Variants in NBEAL1 observed in about 807,000 individuals in gnomAD.
NBEAL1 encodes the protein neurobeachin like 1.
NBEAL1 carries 273 observed loss-of-function variants against 351.3 expected under a neutral mutation model. That is an observed-to-expected ratio of 0.78 (90% CI 0.70 to 0.86). The LOEUF (loss-of-function observed/expected upper bound fraction) is 0.86, where lower values mean the gene tolerates loss of function less well. NBEAL1 is among the 40% of genes least tolerant of loss of function. The pLI, the probability that NBEAL1 is intolerant of heterozygous loss-of-function variation, is 0.00. For missense variants in NBEAL1, 2,961 were observed against 3,201.3 expected, an observed-to-expected ratio of 0.92 and a Z score of 1.81; for synonymous variants, 1,050 against 1,086.4, an observed-to-expected ratio of 0.97 and a Z score of 0.66.
intron 7 of NBEAL1, among the ~76,000 whole-genome samples, chr2:203,072,945 ATTAAATGAGT>A (rs1302857427): frequency 6.6e-6 from 1 of 152,216 alleles, no homozygotes; most frequent in Non-Finnish European, 1.5e-5. Context: ...TACTGGTCAT[ATTAAATGAGT>A]TAGGCAGGGT....
chr2:203,148,226 T>C (rs1324406630), intron 33 of NBEAL1, among the ~76,000 whole-genome samples: 1 of 152,046 alleles, frequency 6.6e-6, no homozygotes, highest in Non-Finnish European at 1.5e-5. Context: ...ACAGTTATTG[T>C]TAACCTCATT....
chr2:203,152,899 A>G (rs1390040900), intron 35 of NBEAL1, among the ~76,000 whole-genome samples: 4 of 151,716 alleles, frequency 2.6e-5, no homozygotes, highest in Non-Finnish European at 1.5e-5. Context: ...TTAGCCGGGC[A>G]TGGTGGCGGG....
In NBEAL1 at chr2:203,149,129, A is replaced by G; in HGVS notation, c.5443A>G (p.Arg1815Gly). 6.2e-7 allele frequency: 1 copy of G among 1,600,362 alleles called. No individual in the cohort carries two copies. Among genetic ancestry groups the G allele is most frequent in the Non-Finnish European group, 8.5e-7 (1 of 1,172,418 alleles). ...KAIQLYLTCE[R>G]GPWAKRKQNP... is the part of the protein sequence containing the mutation. Reference sequence around the variant, plus strand: ...AATACAGCTCTATCTTACATGTGAAAGGGGACCTTGGGCTAAAAGGTAAGA... The same window carrying G: ...AATACAGCTCTATCTTACATGTGAAGGGGGACCTTGGGCTAAAAGGTAAGA... Residue 1815 changes from arginine to glycine, a missense_variant, in exon 34 of 56, where the codon AGG becomes GGG. Physicochemically the swap from Arg to Gly is moderately radical, Grantham distance 125. Transcript: ENST00000683969.
At chr2:203,175,029 G>A in intron 41 of NBEAL1, 118 bp from the exon 42 acceptor site, 1 of 820,100 alleles carries the variant, frequency 1.2e-6, no homozygotes, top group Non-Finnish European at 1.9e-6. Context: ...TGATAATGAG[G>A]CATATGAAGA....
chr2:203,021,262 G>T (rs753440631), intron 2 of NBEAL1, among the ~76,000 whole-genome samples: 2 of 151,800 alleles, frequency 1.3e-5, no homozygotes, highest in Non-Finnish European at 2.9e-5. Context: ...GATTACAGGC[G>T]TGAGCCACTG....
chr2:203,199,271 T>C (rs1027335827), intron 48 of NBEAL1, 67 bp from the exon 49 acceptor site: 4 of 847,218 alleles, frequency 4.7e-6, no homozygotes, highest in Non-Finnish European at 7.9e-6. Flanking sequence ...CATGTGAGCA[T>C]CTGGTTATTC....
intron 2 of NBEAL1, among the ~76,000 whole-genome samples, chr2:203,028,438 G>A (rs2060896427): frequency 6.6e-6 from 1 of 151,872 alleles, no homozygotes; most frequent in Admixed American, 6.6e-5. Flanking sequence ...ATACAGGTAT[G>A]CAGGAGGTCA....
intron 50 of NBEAL1, among the ~76,000 whole-genome samples, chr2:203,202,321 A>AT (rs1295422184): frequency 6.6e-6 from 1 of 152,216 alleles, no homozygotes; most frequent in African/African-American, 2.4e-5. Flanking sequence ...ATTCTATAGG[A>AT]TTACAATTCC....
At chr2:203,083,611 A>G in intron 9 of NBEAL1, 86 bp downstream of exon 9, 1 of 1,043,306 alleles carries the variant, frequency 9.6e-7, no homozygotes, top group Non-Finnish European at 1.4e-6. Context: ...AGGCCATTGT[A>G]TGGAAAGTAT....
Position 203,108,088 on chromosome 2 carries a change from C to A in NBEAL1, c.1849C>A (p.Pro617Thr), listed in dbSNP as rs536386512. ...GISVPPIQKW[P>T]GSAFSFSAWF... ...TTCTGTGCCTCCCATACAGAAATGG[C>A]CAGGGTCTGCCTTTTCTTTCAGTGC... The change falls in exon 14 of 56, where the codon CCA becomes ACA. Residue 617 changes from proline to threonine, a missense_variant. Physicochemically the swap from Pro to Thr is conservative, Grantham distance 38. Transcript: ENST00000683969. 2 of 1,552,074 alleles carry A rather than the reference C, an allele frequency of 1.3e-6. No homozygotes were observed. Among genetic ancestry groups the A allele is most frequent in the Non-Finnish European group, 1.7e-6 (2 of 1,147,084 alleles).
At chr2:203,117,135 T>G (rs903910329) in intron 18 of NBEAL1, among the ~76,000 whole-genome samples, 1 of 149,668 alleles carries the variant, frequency 6.7e-6, no homozygotes. Flanking sequence ...ATTATTATCA[T>G]GCACAAGCTG....
intron 10 of NBEAL1, among the ~76,000 whole-genome samples, chr2:203,092,586 G>T (rs1246153015): frequency 6.6e-6 from 1 of 151,798 alleles, no homozygotes; most frequent in Admixed American, 6.6e-5. Flanking sequence ...AAAGAATATA[G>T]GATATTTCCA....
chr2:203,127,936 AG>A lies in NBEAL1; in HGVS notation c.3405+1del. The A allele has an allele frequency of 6.5e-7, 1 of 1,547,048 alleles. No individual in the cohort carries two copies. Among genetic ancestry groups the A allele is most frequent in the Non-Finnish European group, 8.7e-7 (1 of 1,143,362 alleles). On this transcript the variant is annotated frameshift_variant and splice_region_variant, in exon 24 of 56. Transcript: ENST00000683969. LOFTEE classifies it high-confidence loss of function. ...ATAGCTGCTACTAATGAAGAAGAAC[AG>A]GTATTATGCCTAAGATACATCTACT... is the stretch of plus-strand genomic sequence containing the variant. ...GYIAATNEEE[Q>X]LFGILDVLFS...
At chr2:203,096,606 A>G (rs997179872) in intron 10 of NBEAL1, among the ~76,000 whole-genome samples, 4 of 152,224 alleles carry the variant, frequency 2.6e-5, no homozygotes, top group Admixed American at 6.5e-5. Flanking sequence ...ATGCCCATGT[A>G]TGCTAGAGAT....
At chr2:203,107,138 G>A (rs2062456615) in intron 12 of NBEAL1, among the ~76,000 whole-genome samples, 1 of 151,988 alleles carries the variant, frequency 6.6e-6, no homozygotes, top group African/African-American at 2.4e-5. Flanking sequence ...ATTGTCATAT[G>A]CCCTAATCTG....
intron 42 of NBEAL1, among the ~76,000 whole-genome samples, chr2:203,176,424 C>A (rs1178905611): frequency 6.6e-6 from 1 of 151,952 alleles, no homozygotes; most frequent in Admixed American, 6.6e-5. Context: ...CTTTTCTCTC[C>A]ATAAGATACA....
intron 10 of NBEAL1, among the ~76,000 whole-genome samples, chr2:203,095,098 T>G (rs566920243): frequency 8.6e-5 from 13 of 152,000 alleles, no homozygotes; most frequent in Admixed American, 8.5e-4. Flanking sequence ...CACTCCAGCC[T>G]GGGCTACGAG....
At position 203,110,170 on chromosome 2, in the gene NBEAL1, T is replaced by G; in HGVS notation, c.1970T>G (p.Met657Arg). The stretch of plus-strand genomic sequence containing the variant: ...TTTAGTTTTTTTACAGGAAGTGGCA[T>G]GGGTTTTGAAGCCTTTATTACCCAT... ...QLYSFFTGSG[M>R]GFEAFITHSG... Residue 657 changes from methionine (M) to arginine (R), a missense_variant, in exon 15 of 56, where the codon ATG (methionine) becomes AGG (arginine). Met to Arg is a moderately conservative substitution (Grantham distance 91, BLOSUM62 -1). Transcript: ENST00000683969. 1 of 1,548,782 alleles carries G rather than the reference T, an allele frequency of 6.5e-7. No homozygotes were observed. The highest frequency in any genetic ancestry group is 8.7e-7 in the Non-Finnish European group (1 of 1,146,180).
Position 203,097,527 on chromosome 2 carries a change from C to T in NBEAL1, c.1099-20C>T. The T allele has an allele frequency of 3.2e-6, 3 of 950,160 alleles. No homozygotes were observed. The highest frequency in any genetic ancestry group is 1.2e-4 in the East Asian group (1 of 8,604). The allele number at this position is 950,160 out of a possible 1,614,324, so 58.9% of individuals were successfully genotyped here. ...AATTTAATGTTCTTTCTCCATTATT[C>T]TTGTCTCTGTTTTTAACAGCTATTT... is the stretch of plus-strand genomic sequence containing the variant. On this transcript the variant is annotated intron_variant, in intron 10 of 55. Transcript: ENST00000683969.
Sources: gnomAD v4.1 joint callset for allele counts (sites outside exome capture counted in the v4.1 genomes callset) on GRCh38, gnomAD v4.1.1 for gene constraint, MANE v1.5 for transcripts, NCBI Gene and HGNC (gene_info 2026-07-23, HGNC 2026-07-21) for gene names.